KCNMA1: variants seen among roughly 807,000 people sequenced by gnomAD.
KCNMA1 encodes Calcium-activated potassium channel subunit alpha-1.
A neutral mutation model predicts 140.0 loss-of-function variants in KCNMA1; 29 were observed. The observed-to-expected ratio is 0.21, with a 90% CI of 0.15 to 0.28. KCNMA1 has a LOEUF of 0.28. KCNMA1 is among the 10% of genes least tolerant of loss of function. The pLI, the probability that KCNMA1 is intolerant of heterozygous loss-of-function variation, is 1.00. For synonymous variants in KCNMA1, 612 were observed against 611.9 expected (o/e 1.00, Z 0.00); for missense variants, 880 against 1,602.2 (o/e 0.55, Z 7.70).
chr10:77,349,906 T>G (rs1160706467), intron 2 of KCNMA1, among the ~76,000 whole-genome samples: 1 of 152,166 alleles, frequency 6.6e-6, no homozygotes, highest in Non-Finnish European at 1.5e-5. Flanking sequence ...TCTTCTTTTA[T>G]TTTTTGAGAC....
chr10:77,079,790 A>C, intron 12 of KCNMA1: 1 of 565,276 alleles, frequency 1.8e-6, no homozygotes, highest in Non-Finnish European at 3.2e-6. Flanking sequence ...TACCATTGCC[A>C]TGGCAACACC....
chr10:77,619,008 G>A (rs2090496829), intron 1 of KCNMA1, among the ~76,000 whole-genome samples: 1 of 152,208 alleles, frequency 6.6e-6, no homozygotes, highest in South Asian at 2.1e-4. Context: ...GTGGCTGGGT[G>A]TGGAGAGCTT....
At position 77,027,849 on chromosome 10, in the gene KCNMA1, C is replaced by T. The variant is rs985658079; in HGVS notation, c.1902G>A (p.Glu634=). Residue 634 remains glutamate (E), a synonymous_variant, in exon 16 of 28, where the codon GAG becomes GAA. Coordinates refer to ENST00000286628, the MANE Select transcript of KCNMA1 (RefSeq NM_001161352.2). ...GGCTCTCTCGGTTGGCAGACTTGTA[C>T]TCAATGGCTATCATTAGGAGCTTGA... The part of the protein sequence containing the change: ...VKLKLLMIAI[E]YKSANRESRI... 7 of 1,613,968 alleles carry T rather than the reference C, an allele frequency of 4.3e-6. No individual in the cohort carries two copies. Among genetic ancestry groups the T allele is most frequent in the Non-Finnish European group, 5.9e-6 (7 of 1,179,924 alleles).
chr10:77,337,494 C>T (rs1201525924), intron 2 of KCNMA1, among the ~76,000 whole-genome samples: 1 of 152,144 alleles, frequency 6.6e-6, no homozygotes, highest in Non-Finnish European at 1.5e-5. Flanking sequence ...GTGCTGCACA[C>T]CTGAAATCCC....
At chr10:77,634,325 T>C (rs2093516227) in intron 1 of KCNMA1, 2 of 985,336 alleles carry the variant, frequency 2.0e-6, no homozygotes, top group Non-Finnish European at 2.4e-6. Flanking sequence ...GAAATTGTAA[T>C]GTTTTCTTCT....
At chr10:77,409,874 G>A (rs1363066432) in intron 1 of KCNMA1, among the ~76,000 whole-genome samples, 1 of 152,184 alleles carries the variant, frequency 6.6e-6, no homozygotes, top group Non-Finnish European at 1.5e-5. Context: ...AGCAAGTCAT[G>A]TCATTCCTCA....
At chr10:77,106,038 T>C (rs1212259472) in intron 9 of KCNMA1, among the ~76,000 whole-genome samples, 1 of 152,208 alleles carries the variant, frequency 6.6e-6, no homozygotes, top group African/African-American at 2.4e-5. Flanking sequence ...TGGCCCTTTA[T>C]TACCGTGCCT....
intron 2 of KCNMA1, among the ~76,000 whole-genome samples, chr10:77,397,562 G>A (rs1034442130): frequency 3.3e-5 from 5 of 152,120 alleles, no homozygotes; most frequent in African/African-American, 1.2e-4. Flanking sequence ...ACTATCACAT[G>A]CTGGAACTTA....
chr10:77,184,357 T>C (rs557063395), intron 4 of KCNMA1, among the ~76,000 whole-genome samples: 1 of 152,200 alleles, frequency 6.6e-6, no homozygotes, highest in Non-Finnish European at 1.5e-5. Flanking sequence ...GTAGCTGGGA[T>C]TACAGATGCC....
intron 2 of KCNMA1, among the ~76,000 whole-genome samples, chr10:77,271,375 G>A (rs1296336662): frequency 6.6e-6 from 1 of 152,124 alleles, no homozygotes; most frequent in Non-Finnish European, 1.5e-5. Flanking sequence ...CCAGGCTAGA[G>A]ACACTTAGAA....
At chr10:77,602,225 A>G (rs936594939) in intron 1 of KCNMA1, among the ~76,000 whole-genome samples, 1 of 151,826 alleles carries the variant, frequency 6.6e-6, no homozygotes, top group Non-Finnish European at 1.5e-5. Flanking sequence ...GATAATGCCA[A>G]CTCTTCAGGT....
intron 5 of KCNMA1, among the ~76,000 whole-genome samples, chr10:77,146,887 T>C (rs1203575546): frequency 6.6e-6 from 1 of 152,074 alleles, no homozygotes; most frequent in African/African-American, 2.4e-5. Flanking sequence ...TTGGCCTCTC[T>C]CTCTCGGGTG....
chr10:77,442,332 G>T (rs570410092), intron 1 of KCNMA1, among the ~76,000 whole-genome samples: 1 of 151,920 alleles, frequency 6.6e-6, no homozygotes, highest in African/African-American at 2.4e-5. Flanking sequence ...AGGCACCCAG[G>T]GTTCCCCTTG....
At chr10:77,298,164 G>A (rs1257501531) in intron 2 of KCNMA1, among the ~76,000 whole-genome samples, 1 of 152,186 alleles carries the variant, frequency 6.6e-6, no homozygotes, top group Non-Finnish European at 1.5e-5. Flanking sequence ...CAACAAAAAG[G>A]ACTGAGAGAA....
chr10:77,293,105 C>T (rs1048592963), intron 2 of KCNMA1, among the ~76,000 whole-genome samples: 24 of 152,282 alleles, frequency 1.6e-4, no homozygotes, highest in African/African-American at 5.8e-4. Context: ...GCTTCAAGAG[C>T]CTCCAGAAGC....
chr10:76,924,074 A>G (rs1209724216), intron 23 of KCNMA1, among the ~76,000 whole-genome samples: 2 of 152,158 alleles, frequency 1.3e-5, no homozygotes, highest in African/African-American at 4.8e-5. Context: ...TTTTACCTCC[A>G]CTTTGGCCTA....
intron 3 of KCNMA1, among the ~76,000 whole-genome samples, chr10:77,195,874 G>A (rs1368782635): frequency 2.6e-5 from 4 of 152,178 alleles, no homozygotes; most frequent in Non-Finnish European, 2.9e-5. Flanking sequence ...GTTTGAACTC[G>A]GGTGGTAGAG....
In KCNMA1 at chr10:77,365,416, C is replaced by T. The variant is rs559564941; in HGVS notation, c.540+38446G>A. ...CTTCAAGATCACTTACTACCATAGACGATGGCTAAAGCAGGACTGAATTCC... is the reference window on the plus strand; with the variant it reads ...CTTCAAGATCACTTACTACCATAGATGATGGCTAAAGCAGGACTGAATTCC... On this transcript the variant is annotated intron_variant, in intron 2 of 27. Transcript: ENST00000286628. Among the ~76,000 whole-genome samples the T allele has an allele frequency of 5.9e-5, 9 of 152,316 alleles. No individual in the cohort carries two copies. In the South Asian group the frequency reaches 1.9e-3, roughly 32 times the overall value.
Position 77,404,126 on chromosome 10 carries a change from T to C in KCNMA1, c.379-103A>G, listed in dbSNP as rs11002158. 0.079 allele frequency: 87,140 copies of C among 1,104,030 alleles called. 4,141 individuals carry two copies. Among genetic ancestry groups the C allele is most frequent in the East Asian group, 0.18 (7,745 of 42,192 alleles). 68.4% of individuals were successfully genotyped at this position (1,104,030 alleles called of 1,614,324 possible). A position where few individuals can be genotyped will look rare whatever the true frequency, so the allele number is the denominator to read the frequency against. On this transcript the variant is annotated intron_variant, in intron 1 of 27. Transcript: ENST00000286628. ...AGCCAGAAGGGGTCCCCAGCTGAGA[T>C]GGAAACTAGCTTAAAGGTATAGGAG...
Sources: gnomAD v4.1 joint callset for allele counts (sites outside exome capture counted in the v4.1 genomes callset) on GRCh38, gnomAD v4.1.1 for gene constraint, MANE v1.5 for transcripts, NCBI Gene and HGNC (gene_info 2026-07-23, HGNC 2026-07-21) for gene names.